The following CDKAL1 variants were observed in gnomAD, a reference collection of about 807,000 sequenced individuals.
CDKAL1 encodes threonylcarbamoyladenosine tRNA methylthiotransferase.
CDKAL1 carries 32 observed loss-of-function variants against 68.2 expected under a neutral mutation model. The observed-to-expected ratio is 0.47, with a 90% CI of 0.35 to 0.63. CDKAL1 has a LOEUF of 0.63. CDKAL1 is among the 30% of genes least tolerant of loss of function. CDKAL1 has a pLI of 0.00. For missense variants in CDKAL1, 606 were observed against 696.7 expected, an observed-to-expected ratio of 0.87 and a Z score of 1.47; for synonymous variants, 234 against 244.3, an observed-to-expected ratio of 0.96 and a Z score of 0.39.
chr6:21,024,680 A>G (rs1768863403), intron 11 of CDKAL1, among the ~76,000 whole-genome samples: 1 of 152,220 alleles, frequency 6.6e-6, no homozygotes, highest in African/African-American at 2.4e-5. Flanking sequence ...CATGCTTTAC[A>G]CAGTCTATAA....
chr6:21,122,619 A>AT (rs869179738), intron 13 of CDKAL1, among the ~76,000 whole-genome samples: 2 of 121,284 alleles, frequency 1.6e-5, no homozygotes, highest in Non-Finnish European at 3.4e-5. Context: ...TTGTTACTGT[A>AT]TTTTATTTAT....
chr6:20,585,484 C>T (rs563195839), intron 4 of CDKAL1, among the ~76,000 whole-genome samples: 5 of 152,192 alleles, frequency 3.3e-5, no homozygotes, highest in African/African-American at 1.2e-4. Context: ...GCTTCTCTTT[C>T]TGTTTCTAGT....
intron 9 of CDKAL1, among the ~76,000 whole-genome samples, chr6:20,855,413 A>T (rs1013376121): frequency 8.0e-6 from 1 of 125,446 alleles, no homozygotes; most frequent in Non-Finnish European, 1.6e-5. Context: ...ATGGCACTCC[A>T]GCCTGGGAGA....
At chr6:20,930,470 T>C (rs1027493334) in intron 9 of CDKAL1, among the ~76,000 whole-genome samples, 2 of 152,196 alleles carry the variant, frequency 1.3e-5, no homozygotes, top group Admixed American at 1.3e-4. Flanking sequence ...AAGTAGTTTT[T>C]GTCTCCAAAT....
chr6:20,611,020 C>G (rs1342544570), intron 4 of CDKAL1, among the ~76,000 whole-genome samples: 1 of 152,192 alleles, frequency 6.6e-6, no homozygotes, highest in Non-Finnish European at 1.5e-5. Context: ...TCCCTCACAG[C>G]TTTGAGGCAT....
intron 12 of CDKAL1, among the ~76,000 whole-genome samples, chr6:21,088,798 C>T (rs753430653): frequency 6.6e-6 from 1 of 152,028 alleles, no homozygotes. Flanking sequence ...AAAAATTAGC[C>T]AGGTGTTATG....
At chr6:21,169,161 A>G (rs1777272513) in intron 13 of CDKAL1, among the ~76,000 whole-genome samples, 1 of 152,188 alleles carries the variant, frequency 6.6e-6, no homozygotes, top group African/African-American at 2.4e-5. Context: ...AAAAAATACA[A>G]CTGGAATATT....
intron 10 of CDKAL1, among the ~76,000 whole-genome samples, chr6:20,995,995 C>T (rs1767086397): frequency 6.6e-6 from 1 of 152,244 alleles, no homozygotes; most frequent in East Asian, 1.9e-4. Flanking sequence ...GCTTCTACTT[C>T]AGCACTTGCT....
At chr6:20,901,695 A>AG (rs1439597599) in intron 9 of CDKAL1, among the ~76,000 whole-genome samples, 6 of 136,498 alleles carry the variant, frequency 4.4e-5, no homozygotes, top group East Asian at 2.2e-4. Flanking sequence ...AAAAAAAAAA[A>AG]AAAAAAAAGA....
intron 5 of CDKAL1, among the ~76,000 whole-genome samples, chr6:20,651,381 T>C (rs997306614): frequency 6.6e-5 from 10 of 152,190 alleles, no homozygotes; most frequent in African/African-American, 2.4e-4. Flanking sequence ...ATAGGAATGC[T>C]TGTGATTTTT....
intron 5 of CDKAL1, among the ~76,000 whole-genome samples, chr6:20,708,275 A>C (rs1771690801): frequency 6.6e-6 from 1 of 152,094 alleles, no homozygotes; most frequent in Non-Finnish European, 1.5e-5. Context: ...ATTTGGGATA[A>C]TTTTTTTCAC....
chr6:20,599,862 G>T (rs149186389), intron 4 of CDKAL1, among the ~76,000 whole-genome samples: 4 of 152,274 alleles, frequency 2.6e-5, no homozygotes, highest in East Asian at 3.9e-4. Context: ...CAAGATGAAA[G>T]TTAATCTAAG....
At chr6:20,647,968 A>G (rs6913509) in intron 4 of CDKAL1, among the ~76,000 whole-genome samples, 125,906 of 148,936 alleles carry the variant, frequency 0.85, 53,627 homozygotes, top group African/African-American at 0.96. Flanking sequence ...CCAGCTACTC[A>G]GGAGGCTGAG....
At chr6:21,034,260 G>T (rs915190772) in intron 11 of CDKAL1, among the ~76,000 whole-genome samples, 1 of 152,122 alleles carries the variant, frequency 6.6e-6, no homozygotes, top group Non-Finnish European at 1.5e-5. Flanking sequence ...GGAAGATACA[G>T]AAGATGAAGA....
chr6:21,208,071 T>C (rs1336357718), intron 15 of CDKAL1, among the ~76,000 whole-genome samples: 2 of 152,052 alleles, frequency 1.3e-5, no homozygotes, highest in Non-Finnish European at 2.9e-5. Flanking sequence ...CTTACCATTC[T>C]CTTTCTTACA....
chr6:20,737,526 A>C (rs9368228), intron 5 of CDKAL1, among the ~76,000 whole-genome samples: 40,418 of 152,186 alleles, frequency 0.27, 5,478 homozygotes, highest in South Asian at 0.39. Context: ...TGTTTGGCAG[A>C]AATTCTAGGT....
At chr6:21,122,148 T>C (rs1286983190) in intron 13 of CDKAL1, among the ~76,000 whole-genome samples, 2 of 152,232 alleles carry the variant, frequency 1.3e-5, no homozygotes, top group Admixed American at 6.5e-5. Context: ...AGTCAAAATG[T>C]TTTTACGTAA....
intron 10 of CDKAL1, among the ~76,000 whole-genome samples, chr6:20,962,717 T>C (rs1396548797): frequency 6.6e-6 from 1 of 152,202 alleles, no homozygotes; most frequent in Non-Finnish European, 1.5e-5. Flanking sequence ...AATATGTAAA[T>C]ATATTCTCTA....
chr6:21,069,745 T>C (rs1430619457), intron 12 of CDKAL1, among the ~76,000 whole-genome samples: 1 of 149,604 alleles, frequency 6.7e-6, no homozygotes, highest in Non-Finnish European at 1.5e-5. Flanking sequence ...TTGACAGAAT[T>C]GCCCAATAAA....
Sources: allele counts gnomAD v4.1 joint callset (sites outside exome capture counted in the v4.1 genomes callset), GRCh38; gene constraint gnomAD v4.1.1; transcripts MANE v1.5; gene names NCBI Gene and HGNC (gene_info 2026-07-23, HGNC 2026-07-21).